The following CPA3 variants were observed in gnomAD, a reference collection of about 807,000 sequenced individuals.
CPA3 encodes the protein mast cell carboxypeptidase A.
Under a neutral mutation model 55.8 loss-of-function variants are expected in CPA3, and 52 were observed. The observed-to-expected ratio is 0.93, with a 90% confidence interval of 0.75 to 1.17. CPA3 has a LOEUF of 1.17. Ranked by LOEUF, CPA3 falls within the 50% of genes most tolerant of loss-of-function variation. CPA3 has a pLI of 0.00. For synonymous variants in CPA3, 179 were observed against 171.2 expected, an observed-to-expected ratio of 1.05 and a Z score of -0.36; for missense variants, 547 against 509.1, an observed-to-expected ratio of 1.07 and a Z score of -0.72.
intron 8 of CPA3, 73 bp downstream of exon 8, chr3:148,882,668 T>A: frequency 1.8e-6 from 2 of 1,141,906 alleles, no homozygotes; most frequent in South Asian, 2.6e-5. Flanking sequence ...CTAAAACACC[T>A]ACTTGTTCAG....
At chr3:148,876,553 T>C (rs550792048) in intron 3 of CPA3, among the ~76,000 whole-genome samples, 9 of 152,066 alleles carry the variant, frequency 5.9e-5, no homozygotes, top group Non-Finnish European at 1.2e-4. Context: ...ACTTTTGTAT[T>C]TTTAGTAGAG....
chr3:148,866,515 C>T (rs538057942), intron 2 of CPA3, among the ~76,000 whole-genome samples: 1 of 152,364 alleles, frequency 6.6e-6, no homozygotes, highest in African/African-American at 2.4e-5. Context: ...AGGGTCATTA[C>T]TAAGAAGCAG....
intron 5 of CPA3, among the ~76,000 whole-genome samples, chr3:148,879,285 T>C (rs944283566): frequency 2.0e-5 from 3 of 152,154 alleles, no homozygotes; most frequent in African/African-American, 7.2e-5. Context: ...CCCCCATTCA[T>C]TCATTATCTC....
chr3:148,870,476 A>G (rs751702339), intron 3 of CPA3, among the ~76,000 whole-genome samples: 1 of 152,340 alleles, frequency 6.6e-6, no homozygotes, highest in South Asian at 2.1e-4. Context: ...AATCACGTAC[A>G]TAAGTGAGCA....
intron 2 of CPA3, 62 bp downstream of exon 2, chr3:148,865,610 T>G: frequency 7.0e-7 from 1 of 1,419,552 alleles, no homozygotes; most frequent in Non-Finnish European, 9.9e-7. Context: ...CTTCTTCTTA[T>G]TTTACTGTCA....
chr3:148,867,687 A>G (rs572463697), intron 2 of CPA3, among the ~76,000 whole-genome samples: 1 of 152,262 alleles, frequency 6.6e-6, no homozygotes, highest in South Asian at 2.1e-4. Context: ...GCAGCCTCAT[A>G]TTGTCACTTG....
chr3:148,874,221 T>G (rs1714152019), intron 3 of CPA3, among the ~76,000 whole-genome samples: 2 of 152,218 alleles, frequency 1.3e-5, no homozygotes, highest in African/African-American at 2.4e-5. Flanking sequence ...TGTTTGGTTT[T>G]GTTTTGCTGC....
chr3:148,868,770 C>T, intron 2 of CPA3, 145 bp from the exon 3 acceptor site: 1 of 843,160 alleles, frequency 1.2e-6, no homozygotes, highest in Non-Finnish European at 1.7e-6. Context: ...GCAAAAATCC[C>T]ATAAACTTAT....
chr3:148,872,269 G>A (rs958828656), intron 3 of CPA3, among the ~76,000 whole-genome samples: 4 of 152,200 alleles, frequency 2.6e-5, no homozygotes, highest in Middle Eastern at 3.4e-3. Flanking sequence ...CACGTCCATC[G>A]GACTGAGCCT....
intron 3 of CPA3, among the ~76,000 whole-genome samples, chr3:148,873,687 C>T (rs1412688728): frequency 6.6e-6 from 1 of 152,190 alleles, no homozygotes; most frequent in Non-Finnish European, 1.5e-5. Flanking sequence ...CAATGGCTCA[C>T]AGCTACGGTG....
intron 6 of CPA3, among the ~76,000 whole-genome samples, chr3:148,881,174 A>C (rs73016137): frequency 3.3e-5 from 5 of 152,106 alleles, no homozygotes; most frequent in African/African-American, 1.2e-4. Context: ...TTTATGTAAA[A>C]GATGTGAGAG....
At chr3:148,884,849 TA>T (rs1015423256) in intron 9 of CPA3, among the ~76,000 whole-genome samples, 6 of 144,494 alleles carry the variant, frequency 4.2e-5, no homozygotes, top group Non-Finnish European at 7.6e-5. Context: ...TATTATGGGT[TA>T]AAAAAAATAC....
chr3:148,872,577 A>C (rs1194091563), intron 3 of CPA3, among the ~76,000 whole-genome samples: 1 of 152,222 alleles, frequency 6.6e-6, no homozygotes, highest in Non-Finnish European at 1.5e-5. Context: ...TTAATGTCTA[A>C]CTGCCTAATA....
chr3:148,865,505 A>T lies in CPA3; in HGVS notation c.101A>T (p.Glu34Val). ...EKVFRVKPQD[E>V]KQADIIKDLA... ...GTGTTCCGCGTGAAGCCCCAGGATG[A>T]AAAACAAGCAGACATCATAAAGGAC... The change falls in exon 2 of 11, where the codon GAA becomes GTA. Residue 34 changes from glutamate to valine, a missense_variant. Transcript: ENST00000296046. 1 of 1,614,096 alleles carries T rather than the reference A, an allele frequency of 6.2e-7. No homozygotes were observed. The highest frequency in any genetic ancestry group is 8.5e-7 in the Non-Finnish European group (1 of 1,180,004).
intron 9 of CPA3, among the ~76,000 whole-genome samples, chr3:148,885,501 C>A (rs921666236): frequency 8.7e-5 from 13 of 149,368 alleles, no homozygotes; most frequent in African/African-American, 2.7e-4. Flanking sequence ...ACCTCCGACT[C>A]CCTGGTTCAA....
intron 10 of CPA3, among the ~76,000 whole-genome samples, chr3:148,890,160 C>T (rs1714631909): frequency 6.6e-6 from 1 of 152,176 alleles, no homozygotes; most frequent in African/African-American, 2.4e-5. Context: ...ATACCTACCA[C>T]TTTGCCCCAA....
intron 3 of CPA3, among the ~76,000 whole-genome samples, chr3:148,875,993 A>C (rs1383789047): frequency 2.6e-5 from 4 of 152,172 alleles, no homozygotes; most frequent in Non-Finnish European, 5.9e-5. Flanking sequence ...AAAAAAAGAA[A>C]TAGTTATTAA....
intron 10 of CPA3, among the ~76,000 whole-genome samples, chr3:148,891,999 A>G (rs1159308826): frequency 1.4e-4 from 22 of 152,036 alleles, no homozygotes; most frequent in Non-Finnish European, 3.2e-4. Flanking sequence ...TCTATATTTC[A>G]GCTCACGTGC....
rs1396182434 is a variant in CPA3 at position 148,887,926 on chromosome 3, C to T, written c.1066+1749C>T. ...AAGAAGTGAATGTGAGTTGAAACCA[C>T]AACAGTACTGGACTTGATTAAGCCT... On this transcript the variant is annotated intron_variant, in intron 10 of 10. Transcript: ENST00000296046. 2.0e-5 allele frequency among the ~76,000 whole-genome samples: 3 copies of T among 152,164 alleles called. No homozygotes were observed. The South Asian group carries it at 6.2e-4, about 32-fold the overall frequency.
Sources: allele counts gnomAD v4.1 joint callset (sites outside exome capture counted in the v4.1 genomes callset), GRCh38; gene constraint gnomAD v4.1.1; transcripts MANE v1.5; gene names NCBI Gene and HGNC (gene_info 2026-07-23, HGNC 2026-07-21).